NRG3: variants seen among roughly 807,000 people sequenced by gnomAD.
The protein encoded by NRG3 is pro-neuregulin-3, membrane-bound isoform.
Under a neutral mutation model 66.9 loss-of-function variants are expected in NRG3, and 31 were observed. That is an observed-to-expected ratio of 0.46 (90% CI 0.35 to 0.63). The LOEUF (loss-of-function observed/expected upper bound fraction) is 0.63, where lower values mean the gene tolerates loss of function less well. NRG3 is among the 20% of genes least tolerant of loss of function. NRG3 has a pLI of 0.00. For missense variants in NRG3, 910 were observed against 878.9 expected (o/e 1.04, Z -0.45); for synonymous variants, 393 against 359.4 (o/e 1.09, Z -1.06).
chr10:81,875,292 G>A lies in NRG3; in HGVS notation c.-49G>A. 5.1e-6 allele frequency: 5 copies of A among 981,180 alleles called. No individual in the cohort carries two copies. The highest frequency in any genetic ancestry group is 6.0e-6 in the Non-Finnish European group (5 of 828,432). 60.8% of individuals were successfully genotyped at this position (981,180 alleles called of 1,614,324 possible). Reference sequence around the variant, plus strand: ...CCGCGCCCGGCCCGCGCGGCCCCATGCCTCTGCCGCGGCCCTCGGGGGGGC... The same window carrying A: ...CCGCGCCCGGCCCGCGCGGCCCCATACCTCTGCCGCGGCCCTCGGGGGGGC... On this transcript the variant is annotated 5_prime_UTR_variant, in exon 1 of 9. It removes an upstream start codon present in the reference 5' UTR. Transcript: ENST00000372141. This position sits in a 1 kb window ranked among gnomAD's most constrained non-coding sequence, Gnocchi z 5.3.
At chr10:82,514,499 G>A (rs1845475589) in intron 2 of NRG3, among the ~76,000 whole-genome samples, 1 of 152,144 alleles carries the variant, frequency 6.6e-6, no homozygotes, top group South Asian at 2.1e-4. Flanking sequence ...CGTTGTAGAT[G>A]TGCGGTCTTG....
intron 2 of NRG3, among the ~76,000 whole-genome samples, chr10:82,446,931 T>C (rs2090758019): frequency 1.3e-5 from 2 of 152,206 alleles, no homozygotes; most frequent in Non-Finnish European, 2.9e-5. Context: ...CAGGAATCTA[T>C]ATACCTGCTC....
chr10:82,663,385 G>A (rs1178924510), intron 2 of NRG3, among the ~76,000 whole-genome samples: 2 of 152,136 alleles, frequency 1.3e-5, no homozygotes, highest in Admixed American at 6.5e-5. Context: ...AAAGCACCAG[G>A]GTGTGCAGAG....
chr10:82,390,644 G>C (rs1007068932), intron 2 of NRG3, among the ~76,000 whole-genome samples: 4 of 152,080 alleles, frequency 2.6e-5, no homozygotes, highest in Non-Finnish European at 5.9e-5. Flanking sequence ...AAAGTTACTT[G>C]TCTTAACCTA....
chr10:82,291,578 C>T (rs2079749985), intron 1 of NRG3, among the ~76,000 whole-genome samples: 1 of 152,108 alleles, frequency 6.6e-6, no homozygotes, highest in Non-Finnish European at 1.5e-5. Context: ...TATAGAACTA[C>T]AGTAATTAAG....
rs544267804 is a variant in NRG3 at position 82,515,979 on chromosome 10, G to C, written c.953+157111G>C. Among the ~76,000 whole-genome samples the C allele has an allele frequency of 7.7e-4, 118 of 152,292 alleles. 1 individual carries two copies. Among genetic ancestry groups the C allele is most frequent in the Admixed American group, 1.5e-3 (23 of 15,294 alleles). The stretch of plus-strand genomic sequence containing the variant: ...AGGGCCCAAACATCCAAGACAGTTT[G>C]TACCAGGATAACCCCAATAGTTGTT... On this transcript the variant is annotated intron_variant, in intron 2 of 8. Coordinates refer to ENST00000372141, the MANE Select transcript of NRG3 (RefSeq NM_001010848.4).
intron 1 of NRG3, among the ~76,000 whole-genome samples, chr10:82,156,414 A>G (rs1391738948): frequency 6.6e-6 from 1 of 151,542 alleles, no homozygotes; most frequent in Non-Finnish European, 1.5e-5. Flanking sequence ...ATAGATTAAA[A>G]TTTGTCTTCT....
chr10:82,430,049 A>T lies in NRG3; in HGVS notation c.953+71181A>T, dbSNP rs551541473. Among the ~76,000 whole-genome samples the T allele has an allele frequency of 7.2e-4, 110 of 152,220 alleles. 1 individual carries two copies. The highest frequency in any genetic ancestry group is 2.6e-3 in the African/African-American group (107 of 41,560). On this transcript the variant is annotated intron_variant, in intron 2 of 8. Transcript: ENST00000372141. Reference sequence around the variant, plus strand: ...TTATAGTTGCTAATCCTTTATTAATAATCTCAGTTTGGAGAAATCAGTCCC... The same window carrying T: ...TTATAGTTGCTAATCCTTTATTAATTATCTCAGTTTGGAGAAATCAGTCCC...
chr10:82,160,095 G>A (rs1199835287), intron 1 of NRG3, among the ~76,000 whole-genome samples: 1 of 151,878 alleles, frequency 6.6e-6, no homozygotes, highest in Non-Finnish European at 1.5e-5. Context: ...TTTAAGCTCT[G>A]TATTACCACT....
intron 1 of NRG3, among the ~76,000 whole-genome samples, chr10:81,903,063 A>G (rs146993087): frequency 1.1e-3 from 166 of 152,188 alleles, no homozygotes; most frequent in Non-Finnish European, 1.5e-3. Flanking sequence ...CTCCCTTCTT[A>G]TGATATGATG....
At chr10:82,297,686 A>G (rs2080150596) in intron 1 of NRG3, among the ~76,000 whole-genome samples, 1 of 152,164 alleles carries the variant, frequency 6.6e-6, no homozygotes, top group Non-Finnish European at 1.5e-5. Flanking sequence ...TAATGTATAA[A>G]TATAGGTTAT....
chr10:82,689,672 T>C (rs2054776838), intron 2 of NRG3, among the ~76,000 whole-genome samples: 1 of 152,198 alleles, frequency 6.6e-6, no homozygotes, highest in South Asian at 2.1e-4. Context: ...GAATACTCAA[T>C]TATGTACTTT....
intron 1 of NRG3, chr10:82,166,838 A>T (rs1564625647): frequency 1.5e-6 from 1 of 663,920 alleles, no homozygotes; most frequent in African/African-American, 1.8e-5. Flanking sequence ...TAAGTCTGAA[A>T]CAGTCTTTAT....
At chr10:82,036,505 C>T (rs1200956205) in intron 1 of NRG3, among the ~76,000 whole-genome samples, 1 of 152,040 alleles carries the variant, frequency 6.6e-6, no homozygotes, top group African/African-American at 2.4e-5. Flanking sequence ...TAAGCTTAGC[C>T]CTTATGATTC....
chr10:82,080,921 C>T (rs1199262424), intron 1 of NRG3, among the ~76,000 whole-genome samples: 1 of 152,132 alleles, frequency 6.6e-6, no homozygotes, highest in Non-Finnish European at 1.5e-5. Context: ...CCCCAACATC[C>T]CCAGCCTTGG....
intron 2 of NRG3, among the ~76,000 whole-genome samples, chr10:82,616,690 T>C (rs1326664373): frequency 6.6e-6 from 1 of 152,212 alleles, no homozygotes; most frequent in Non-Finnish European, 1.5e-5. Context: ...TTAAAAACTG[T>C]ATCATAATAC....
intron 4 of NRG3, among the ~76,000 whole-genome samples, chr10:82,947,677 A>G (rs1404752207): frequency 6.6e-6 from 1 of 152,152 alleles, no homozygotes; most frequent in Admixed American, 6.5e-5. Context: ...AATAATAATG[A>G]ACAATGTTGG....
intron 2 of NRG3, among the ~76,000 whole-genome samples, chr10:82,434,914 T>C (rs1253128217): frequency 6.6e-6 from 1 of 152,168 alleles, no homozygotes; most frequent in Non-Finnish European, 1.5e-5. Flanking sequence ...TCTTTTTTTG[T>C]TATGTGTCTT....
At position 82,707,222 on chromosome 10, in the gene NRG3, A is replaced by G. The variant is rs184094929; in HGVS notation, c.954-31355A>G. Among the ~76,000 whole-genome samples, 460 of 152,086 alleles carry G rather than the reference A, an allele frequency of 3.0e-3. 1 individual carries two copies. The highest frequency in any genetic ancestry group is 0.011 in the African/African-American group (437 of 41,520). ...CTTTTGTTGCATTCCTTCTCGAGGT[A>G]GCAATTATATTAAATTCAACATTTC... is the stretch of plus-strand genomic sequence containing the variant. On this transcript the variant is annotated intron_variant, in intron 2 of 8. Transcript: ENST00000372141.
Sources: gnomAD v4.1 joint callset for allele counts (sites outside exome capture counted in the v4.1 genomes callset) on GRCh38, gnomAD v4.1.1 for gene constraint, Gnocchi (gnomAD v3.1) non-coding constraint, MANE v1.5 for transcripts, NCBI Gene and HGNC (gene_info 2026-07-23, HGNC 2026-07-21) for gene names.